Variants in ZNF487 observed in about 807,000 individuals in gnomAD.
ZNF487 encodes the protein KRAB domain only 1.
In ZNF487, 4 loss-of-function variants were observed where a neutral mutation model predicts 3.0. The observed-to-expected ratio is 1.35, with a 90% CI of 0.66 to 3.08. The LOEUF (loss-of-function observed/expected upper bound fraction) is 3.08, where lower values mean the gene tolerates loss of function less well. Among genes scored for constraint, ZNF487 ranks in the 30% most tolerant of loss-of-function variants. ZNF487 has a pLI of 0.01. For synonymous variants in ZNF487, 55 were observed against 34.6 expected (o/e 1.59, Z -2.06); for missense variants, 146 against 98.7 (o/e 1.48, Z -2.03).
the ZNF487 span, among the ~76,000 whole-genome samples, chr10:43,505,401 C>T: frequency 1.1e-4 from 17 of 152,086 alleles, no homozygotes; most frequent in East Asian, 3.1e-3. Flanking sequence ...TCTCCTGCCT[C>T]AGCCTCCTGA....
intron 1 of ZNF487, among the ~76,000 whole-genome samples, chr10:43,469,814 G>A (rs1241225300): frequency 1.3e-5 from 2 of 152,012 alleles, no homozygotes; most frequent in South Asian, 4.1e-4. Flanking sequence ...GGTGGGCGTG[G>A]TGGTGTACTC....
rs533226061 is a variant in ZNF487 at position 43,471,247 on chromosome 10, G to C, written c.-93-4474G>C. Among the ~76,000 whole-genome samples, 529 of 152,280 alleles carry C rather than the reference G, an allele frequency of 3.5e-3. 2 individuals are homozygous for C. Among genetic ancestry groups the C allele is most frequent in the Non-Finnish European group, 5.8e-3 (392 of 68,016 alleles). The stretch of plus-strand genomic sequence containing the variant: ...GAGTGAGTGCGGGATCTGGCTGGCT[G>C]CTCCGGGCACTGGCAGGAGCAAGCT... On this transcript the variant is annotated intron_variant, in intron 1 of 3. Transcript: ENST00000437590.
intron 3 of ZNF487, among the ~76,000 whole-genome samples, chr10:43,479,962 C>CTTTT: frequency 2.3e-5 from 1 of 43,634 alleles, no homozygotes; most frequent in East Asian, 1.4e-3. Flanking sequence ...GACTCTCTTT[C>CTTTT]TTTCTTTCTT....
the ZNF487 span, among the ~76,000 whole-genome samples, chr10:43,498,634 A>C: frequency 6.6e-6 from 1 of 151,580 alleles, no homozygotes; most frequent in African/African-American, 2.4e-5. Context: ...TGCTGAGAGG[A>C]AATTGATAAG....
the ZNF487 span, among the ~76,000 whole-genome samples, chr10:43,520,585 A>T: frequency 6.6e-6 from 1 of 152,244 alleles, no homozygotes. Context: ...CAAAACCAGC[A>T]TGAAAATATT....
chr10:43,496,712 G>C, the ZNF487 span, among the ~76,000 whole-genome samples: 145 of 152,202 alleles, frequency 9.5e-4, 1 homozygote, highest in Middle Eastern at 3.4e-3. Context: ...CCAAGACCAG[G>C]GTGCTAGCAT....
chr10:43,501,221 A>T, the ZNF487 span, among the ~76,000 whole-genome samples: 1 of 152,200 alleles, frequency 6.6e-6, no homozygotes, highest in African/African-American at 2.4e-5. Flanking sequence ...ATGAAAAAAA[A>T]TGGTATACCT....
At chr10:43,480,456 C>G (rs1247126021) in intron 3 of ZNF487, among the ~76,000 whole-genome samples, 1 of 151,902 alleles carries the variant, frequency 6.6e-6, no homozygotes, top group Non-Finnish European at 1.5e-5. Flanking sequence ...TACTCTGTCA[C>G]CCAGGCTGGA....
the ZNF487 span, among the ~76,000 whole-genome samples, chr10:43,515,246 C>T: frequency 6.6e-6 from 1 of 152,268 alleles, no homozygotes; most frequent in African/African-American, 2.4e-5. Context: ...TACTCTCAAC[C>T]TCACCTCTAG....
chr10:43,482,088 G>A lies in ZNF487; in HGVS notation c.*166G>A. ...GGGTTATGGAGATGAAATACTATGA[G>A]TGTAATGCGAGTGAGAATAGTTTTG... On this transcript the variant is annotated 3_prime_UTR_variant, in exon 4 of 4. Coordinates refer to ENST00000437590, the MANE Select transcript of ZNF487 (RefSeq NM_001355444.3). 1 of 577,808 alleles carries A rather than the reference G, an allele frequency of 1.7e-6. No individual in the cohort carries two copies. Among genetic ancestry groups the A allele is most frequent in the Non-Finnish European group, 3.0e-6 (1 of 328,748 alleles). 35.8% of individuals were successfully genotyped at this position (577,808 alleles called of 1,614,324 possible). A position where few individuals can be genotyped will look rare whatever the true frequency, so the allele number is the denominator to read the frequency against.
chr10:43,522,746 TA>T, the ZNF487 span, among the ~76,000 whole-genome samples: 37 of 151,334 alleles, frequency 2.4e-4, no homozygotes, highest in Non-Finnish European at 4.4e-5. Flanking sequence ...AAACAAAAAA[TA>T]AAAAAAATAA....
the ZNF487 span, among the ~76,000 whole-genome samples, chr10:43,503,708 C>T: frequency 6.6e-6 from 1 of 152,108 alleles, no homozygotes; most frequent in Admixed American, 6.6e-5. Context: ...TGGGCTCAAT[C>T]GATCCTCCCA....
At chr10:43,445,235 C>T (rs537247963) in intron 1 of ZNF487, among the ~76,000 whole-genome samples, 49 of 151,902 alleles carry the variant, frequency 3.2e-4, no homozygotes, top group African/African-American at 1.2e-3. Flanking sequence ...GCAATTTTCT[C>T]ACCTCAGCCT....
chr10:43,505,008 C>T, the ZNF487 span, among the ~76,000 whole-genome samples: 2 of 151,818 alleles, frequency 1.3e-5, no homozygotes, highest in African/African-American at 4.8e-5. Flanking sequence ...ACCCAGCCTC[C>T]TTGTTGCTGT....
chr10:43,440,068 G>A (rs1404527973), intron 1 of ZNF487, among the ~76,000 whole-genome samples: 1 of 43,532 alleles, frequency 2.3e-5, no homozygotes, highest in Admixed American at 2.4e-4. Context: ...TTTTTTTTGA[G>A]GCGAAGTTTC....
At chr10:43,508,387 G>C in the ZNF487 span, among the ~76,000 whole-genome samples, 1 of 152,182 alleles carries the variant, frequency 6.6e-6, no homozygotes, top group African/African-American at 2.4e-5. Context: ...GATACCACAT[G>C]GTCATAGCAC....
intron 1 of ZNF487, among the ~76,000 whole-genome samples, chr10:43,467,826 A>C (rs1162673592): frequency 1.3e-5 from 2 of 151,912 alleles, no homozygotes. Context: ...CAGAAAAAAA[A>C]AAAAAAGAAA....
downstream of ZNF487, among the ~76,000 whole-genome samples, chr10:43,486,887 A>G (rs74137741): frequency 6.1e-3 from 929 of 152,322 alleles, 9 homozygotes; most frequent in African/African-American, 0.018. Flanking sequence ...TCTTCAAGGA[A>G]AAATTGCAAA....
At chr10:43,496,706 G>C in the ZNF487 span, among the ~76,000 whole-genome samples, 1 of 152,162 alleles carries the variant, frequency 6.6e-6, no homozygotes, top group Non-Finnish European at 1.5e-5. Context: ...AGAAGTCCAA[G>C]ACCAGGGTGC....
Sources: allele counts gnomAD v4.1 joint callset (sites outside exome capture counted in the v4.1 genomes callset), GRCh38; gene constraint gnomAD v4.1.1; transcripts MANE v1.5; gene names NCBI Gene and HGNC (gene_info 2026-07-23, HGNC 2026-07-21).